The following ZBTB16 variants were observed in gnomAD, a reference collection of about 807,000 sequenced individuals.
ZBTB16 encodes the protein zinc finger and BTB domain containing 16, also known as zinc finger and BTB domain-containing protein 16.
In ZBTB16, 8 loss-of-function variants were observed where a neutral mutation model predicts 56.8. The ratio of observed to expected loss-of-function variants is 0.14; its 90% confidence interval spans 0.08 to 0.25. ZBTB16 has a LOEUF of 0.25. ZBTB16 is among the 10% of genes least tolerant of loss of function. The pLI is 1.00. For missense variants in ZBTB16, 625 were observed against 903.0 expected (o/e 0.69, Z 3.95); for synonymous variants, 363 against 368.5 (o/e 0.98, Z 0.17).
chr11:114,241,291 G>A (rs387301), intron 4 of ZBTB16, among the ~76,000 whole-genome samples: 22,433 of 151,840 alleles, frequency 0.15, 2,067 homozygotes, highest in South Asian at 0.29. Flanking sequence ...TAAAATCTAG[G>A]GTGTGTGAGT....
At chr11:114,135,363 A>T (rs557546124) in intron 2 of ZBTB16, among the ~76,000 whole-genome samples, 44 of 152,378 alleles carry the variant, frequency 2.9e-4, no homozygotes, top group Non-Finnish European at 4.4e-4. Flanking sequence ...ATGTTAGATT[A>T]CATGGCAAAG....
At position 114,060,870 on chromosome 11, in the gene ZBTB16, C is replaced by G. The variant is rs1377020540; in HGVS notation, c.-91+988C>G. Among the ~76,000 whole-genome samples the G allele has an allele frequency of 6.6e-6, 1 of 152,038 alleles. No individual in the cohort carries two copies. The highest frequency in any genetic ancestry group is 1.5e-5 in the Non-Finnish European group (1 of 67,972). On this transcript the variant is annotated intron_variant, in intron 1 of 6. Coordinates refer to ENST00000335953, the MANE Select transcript of ZBTB16 (RefSeq NM_006006.6). The surrounding 1 kb of genome is among the most constrained non-coding windows in gnomAD (Gnocchi z 6.0). ...CTCCCAGGGGGTCACGGCCCTGGGTCGGAGAGGGAGGGCGGGCAGACCCCT... is the reference window on the plus strand; with the variant it reads ...CTCCCAGGGGGTCACGGCCCTGGGTGGGAGAGGGAGGGCGGGCAGACCCCT...
In ZBTB16 at chr11:114,218,717, A is replaced by T. The variant is rs114860311; in HGVS notation, c.1454-23450A>T. 1.9e-3 allele frequency among the ~76,000 whole-genome samples: 287 copies of T among 152,256 alleles called. 2 individuals are homozygous for T. Among genetic ancestry groups the T allele is most frequent in the African/African-American group, 6.5e-3 (270 of 41,562 alleles). ...CTGCTTGTTTCTTTTTTGTTCTGTA[A>T]CTCATGACTGCAGTAGGTTTTTATT... On this transcript the variant is annotated intron_variant, in intron 4 of 6. Transcript: ENST00000335953.
intron 2 of ZBTB16, among the ~76,000 whole-genome samples, chr11:114,155,390 G>A (rs754862337): frequency 1.9e-4 from 29 of 152,220 alleles, no homozygotes; most frequent in Non-Finnish European, 3.4e-4. Flanking sequence ...TAGCGCACCC[G>A]GTTCCCTGCA....
chr11:114,156,668 G>A (rs1942421301), intron 3 of ZBTB16, among the ~76,000 whole-genome samples: 3 of 152,132 alleles, frequency 2.0e-5, no homozygotes, highest in Non-Finnish European at 4.4e-5. Context: ...AGGCATCAGT[G>A]GCAACCAGTG....
intron 2 of ZBTB16, among the ~76,000 whole-genome samples, chr11:114,141,511 T>C (rs564159322): frequency 1.3e-5 from 2 of 152,362 alleles, no homozygotes; most frequent in African/African-American, 4.8e-5. Flanking sequence ...TACACACTTA[T>C]CATAAAGACA....
At chr11:114,140,033 T>G (rs1857582355) in intron 2 of ZBTB16, among the ~76,000 whole-genome samples, 1 of 151,880 alleles carries the variant, frequency 6.6e-6, no homozygotes, top group South Asian at 2.1e-4. Flanking sequence ...TTGTCTGCTT[T>G]TCAACCCCAC....
intron 4 of ZBTB16, among the ~76,000 whole-genome samples, chr11:114,233,829 C>G (rs1944506455): frequency 1.3e-5 from 2 of 152,080 alleles, no homozygotes; most frequent in Non-Finnish European, 2.9e-5. Flanking sequence ...CTGGAGGTGC[C>G]GAGTAATGAA....
rs140367805 is a variant in ZBTB16, at chr11:114,218,320, G to A, written c.1454-23847G>A. Among the ~76,000 whole-genome samples, 1,347 of 152,208 alleles carry A rather than the reference G, an allele frequency of 8.8e-3. 21 individuals carry two copies. The highest frequency in any genetic ancestry group is 0.031 in the African/African-American group (1,288 of 41,516). The stretch of plus-strand genomic sequence containing the variant: ...CTTGGTTCTGTCGCATTGTCTGGAG[G>A]GAATACAAGCACCCTGATTCCTTCC... On this transcript the variant is annotated intron_variant, in intron 4 of 6. Transcript: ENST00000335953.
intron 4 of ZBTB16, among the ~76,000 whole-genome samples, chr11:114,241,241 A>C (rs12295656): frequency 0.01 from 1,588 of 152,074 alleles, 14 homozygotes; most frequent in African/African-American, 0.033. Context: ...GTTAAAAAAA[A>C]AAAACAAAAC....
intron 6 of ZBTB16, among the ~76,000 whole-genome samples, chr11:114,249,180 C>T (rs1055600173): frequency 5.9e-5 from 9 of 151,822 alleles, no homozygotes; most frequent in East Asian, 5.8e-4. Flanking sequence ...CAGGATAGGC[C>T]GGGTGGGGGA....
rs1944998976 is a variant in ZBTB16, at chr11:114,255,915, T to C, written c.*5360T>C. On this transcript the variant is annotated 3_prime_UTR_variant, in exon 7 of 7. Transcript: ENST00000335953. Reference sequence around the variant, plus strand: ...ATAAGTCTCATAAGAAAAATAGCAATGTTCAGTTGTATACCTTGAATCTGC... The same window carrying C: ...ATAAGTCTCATAAGAAAAATAGCAACGTTCAGTTGTATACCTTGAATCTGC... 6.6e-6 allele frequency among the ~76,000 whole-genome samples: 1 copy of C among 152,108 alleles called. No homozygotes were observed. The highest frequency in any genetic ancestry group is 2.4e-5 in the African/African-American group (1 of 41,436).
chr11:114,232,864 TGATTTATACGGGCAGGCGTCCTGC>T (rs1349533093), intron 4 of ZBTB16, among the ~76,000 whole-genome samples: 1 of 152,148 alleles, frequency 6.6e-6, no homozygotes, highest in Non-Finnish European at 1.5e-5. Flanking sequence ...TGCTTACTGC[TGATTTATACGGGCAGGCGTCCTGC>T]GGGCTCCAGG....
At chr11:114,205,728 G>A (rs557119029) in intron 4 of ZBTB16, among the ~76,000 whole-genome samples, 21 of 152,194 alleles carry the variant, frequency 1.4e-4, no homozygotes, top group Non-Finnish European at 2.8e-4. Flanking sequence ...TCTGCAGGTA[G>A]AGATAATGTG....
At chr11:114,174,512 C>T (rs1291676060) in intron 3 of ZBTB16, among the ~76,000 whole-genome samples, 1 of 152,138 alleles carries the variant, frequency 6.6e-6, no homozygotes, top group East Asian at 1.9e-4. Context: ...GAAACTCCAT[C>T]TCTGCTAAAA....
At chr11:114,135,289 T>G (rs180952667) in intron 2 of ZBTB16, among the ~76,000 whole-genome samples, 1 of 152,186 alleles carries the variant, frequency 6.6e-6, no homozygotes, top group Admixed American at 6.5e-5. Context: ...GTACAATTTG[T>G]GAGTGTGGTA....
intron 2 of ZBTB16, among the ~76,000 whole-genome samples, chr11:114,099,999 T>C (rs1424715270): frequency 6.6e-6 from 1 of 152,170 alleles, no homozygotes; most frequent in African/African-American, 2.4e-5. Flanking sequence ...TCAACCCTCC[T>C]TAAAAGGTTT....
chr11:114,135,465 A>G (rs1028781901), intron 2 of ZBTB16, among the ~76,000 whole-genome samples: 46 of 152,224 alleles, frequency 3.0e-4, no homozygotes, highest in African/African-American at 9.9e-4. Context: ...CATAACCTCA[A>G]CGGTCTTTAA....
chr11:114,139,456 A>C (rs2134888413), intron 2 of ZBTB16, among the ~76,000 whole-genome samples: 2 of 152,214 alleles, frequency 1.3e-5, no homozygotes, highest in African/African-American at 4.8e-5. Flanking sequence ...TTTTACTATA[A>C]TAGTTTCTTG....
Sources: gnomAD v4.1 joint callset for allele counts (sites outside exome capture counted in the v4.1 genomes callset) on GRCh38, gnomAD v4.1.1 for gene constraint, Gnocchi (gnomAD v3.1) non-coding constraint, MANE v1.5 for transcripts, NCBI Gene and HGNC (gene_info 2026-07-23, HGNC 2026-07-21) for gene names.